The following MGAM variants were observed in gnomAD, a reference collection of about 807,000 sequenced individuals.
The protein encoded by MGAM is alpha-1,4-glucosidase.
A neutral mutation model predicts 358.8 loss-of-function variants in MGAM; 253 were observed. That is an observed-to-expected ratio of 0.71 (90% CI 0.64 to 0.78). The LOEUF (loss-of-function observed/expected upper bound fraction) is 0.78. Ranked by LOEUF, MGAM falls within the 30% of genes least tolerant of loss-of-function variation. MGAM has a pLI of 0.00. For synonymous variants in MGAM, 1,105 were observed against 1,227.1 expected (o/e 0.90, Z 2.08); for missense variants, 3,080 against 3,432.6 (o/e 0.90, Z 2.57).
intron 3 of MGAM, 71 bp downstream of exon 3, chr7:142,008,776 T>G (rs2128985294): frequency 1.3e-6 from 2 of 1,520,824 alleles, no homozygotes; most frequent in East Asian, 4.6e-5. Context: ...TTTGTTGTTT[T>G]GTTTTGGTTT....
rs569211661 is a variant in MGAM at position 142,088,779 on chromosome 7, A to T, written c.6810+2062A>T. On this transcript the variant is annotated intron_variant, in intron 57 of 70. Coordinates refer to ENST00000475668, the MANE Select transcript of MGAM (RefSeq NM_001365693.1). ...TATCTATCTATCTATCTATCTATCTATCTATCTATCTATCTATCTATCATT... is the reference window on the plus strand; with the variant it reads ...TATCTATCTATCTATCTATCTATCTTTCTATCTATCTATCTATCTATCATT... Among the ~76,000 whole-genome samples, 40 of 128,726 alleles carry T rather than the reference A, an allele frequency of 3.1e-4. 3 individuals are homozygous for T. The highest frequency in any genetic ancestry group is 1.2e-3 in the East Asian group (5 of 4,048). The allele number at this position is 128,726 out of a possible 152,430, so 84.4% of individuals were successfully genotyped here.
rs766312735 is a variant in MGAM at position 142,063,451 on chromosome 7, A to T, written c.4258-48A>T. ...ACTTCCTTGGCTCAGAATTGGCAGG[A>T]CGTAATTATCTTAAAAAGTGAGGTA... On this transcript the variant is annotated intron_variant, in intron 35 of 70. Coordinates refer to ENST00000475668, the MANE Select transcript of MGAM (RefSeq NM_001365693.1). 3.8e-6 allele frequency: 6 copies of T among 1,585,298 alleles called. No homozygotes were observed. The Admixed American group carries it at 5.4e-5, about 14-fold the overall frequency.
chr7:141,996,392 G>T (rs1804237619), intron 1 of MGAM, among the ~76,000 whole-genome samples: 1 of 151,840 alleles, frequency 6.6e-6, no homozygotes, highest in Non-Finnish European at 1.5e-5. Context: ...CATACACATG[G>T]AACAAAATTC....
intron 35 of MGAM, among the ~76,000 whole-genome samples, 182 bp from the exon 36 acceptor site, chr7:142,063,317 C>T (rs1282088700): frequency 1.3e-5 from 2 of 152,060 alleles, no homozygotes; most frequent in Non-Finnish European, 2.9e-5. Flanking sequence ...TCTAGCCAGT[C>T]GTTCTGTAGG....
chr7:142,051,720 C>T (rs994508315), intron 24 of MGAM, among the ~76,000 whole-genome samples: 1 of 151,908 alleles, frequency 6.6e-6, no homozygotes, highest in Admixed American at 6.6e-5. Flanking sequence ...ACCTGACTTA[C>T]CCTGATGTGA....
At position 142,069,690 on chromosome 7, in the gene MGAM, A is replaced by G. The variant is rs552122726; in HGVS notation, c.5061+987A>G. Among the ~76,000 whole-genome samples, 543 of 145,382 alleles carry G rather than the reference A, an allele frequency of 3.7e-3. 22 individuals carry two copies. The highest frequency in any genetic ancestry group is 0.012 in the African/African-American group (513 of 41,070). The stretch of plus-strand genomic sequence containing the variant: ...GCCCCAGACTCCTCTTCCTGCTGCT[A>G]GTCTGGATCTGCCCTTAGGGTGGTA... On this transcript the variant is annotated intron_variant, in intron 43 of 70. Transcript: ENST00000475668.
chr7:142,103,348 G>C lies in MGAM; in HGVS notation c.8093G>C (p.Trp2698Ser), dbSNP rs373562174. The change falls in exon 70 of 71, where the codon TGG becomes TCG. Residue 2698 changes from tryptophan to serine, a missense_variant. Trp to Ser is a radical substitution (Grantham distance 177, BLOSUM62 -3). Around this residue, in one of 5 missense-constraint regions of MGAM, gnomAD observed 194 missense variants for 172.8 expected, o/e 1.12. Coordinates refer to ENST00000475668, the MANE Select transcript of MGAM (RefSeq NM_001365693.1). The part of the protein sequence containing the change: ...NPLKLGYIEI[W>S]GVGSVPVTSV... ...TTGAAACTGGGCTACATTGAAATCT[G>C]GGGAGTGGGCAGTGTCCCCGTTACC... The C allele has an allele frequency of 4.3e-6, 7 of 1,612,956 alleles. No homozygotes were observed. In the African/African-American group the frequency reaches 9.3e-5, roughly 22 times the overall value.
chr7:142,028,542 G>A (rs1372938984), intron 10 of MGAM, among the ~76,000 whole-genome samples: 4 of 152,092 alleles, frequency 2.6e-5, no homozygotes, highest in Admixed American at 2.6e-4. Context: ...TGACTACATG[G>A]ATGTGAAAAA....
chr7:142,004,988 A>G (rs1299342092), intron 1 of MGAM, among the ~76,000 whole-genome samples: 1 of 152,102 alleles, frequency 6.6e-6, no homozygotes, highest in Non-Finnish European at 1.5e-5. Context: ...CTATAAGGGT[A>G]GAGAAACATG....
intron 2 of MGAM, among the ~76,000 whole-genome samples, chr7:141,989,796 CA>C (rs538875462): frequency 1.3e-5 from 2 of 152,020 alleles, no homozygotes; most frequent in South Asian, 2.1e-4. Flanking sequence ...AAATACTCTC[CA>C]AAAAAAGATT....
intron 45 of MGAM, 64 bp from the exon 46 acceptor site, chr7:142,076,139 G>A: frequency 8.1e-7 from 1 of 1,231,568 alleles, no homozygotes; most frequent in Non-Finnish European, 1.2e-6. Flanking sequence ...AAGAGTGGGA[G>A]TGTGAAATCT....
intron 18 of MGAM, 96 bp downstream of exon 18, chr7:142,037,073 C>A (rs1321192080): frequency 2.4e-6 from 3 of 1,257,834 alleles, no homozygotes; most frequent in South Asian, 1.4e-5. Context: ...ACAATTCAGG[C>A]AGTTATTCAT....
At chr7:142,011,660 G>A (rs1187635008) in intron 3 of MGAM, among the ~76,000 whole-genome samples, 2 of 152,174 alleles carry the variant, frequency 1.3e-5, no homozygotes, top group East Asian at 3.8e-4. Context: ...AAATGAGACA[G>A]TATGTGTTCA....
Position 142,066,699 on chromosome 7 carries a change from G to T in MGAM, c.4897G>T (p.Val1633Phe). 1 of 1,555,808 alleles carries T rather than the reference G, an allele frequency of 6.4e-7. No homozygotes were observed. The highest frequency in any genetic ancestry group is 8.8e-7 in the Non-Finnish European group (1 of 1,132,506). ...MQKAHTEGVTVVRPLLHEFVS... is the reference protein window; with the variant it reads ...MQKAHTEGVTFVRPLLHEFVS... ...AAAGGCCCACACGGAGGGCGTCACT[G>T]TTGTGCGGCCTCTGCTCCATGAGTG... The change falls in exon 41 of 71, where the codon GTT becomes TTT. Residue 1633 changes from valine (V) to phenylalanine (F), a missense_variant. Val to Phe is a conservative substitution (Grantham distance 50). Coordinates refer to ENST00000475668, the MANE Select transcript of MGAM (RefSeq NM_001365693.1).
chr7:142,043,968 A>G lies in MGAM; in HGVS notation c.2498+3122A>G, dbSNP rs1809514304. Among the ~76,000 whole-genome samples the G allele has an allele frequency of 3.4e-5, 4 of 119,358 alleles. No individual in the cohort carries two copies. In the Admixed American group the frequency reaches 3.6e-4, roughly 11 times the overall value. 78.3% of individuals were successfully genotyped at this position (119,358 alleles called of 152,430 possible). On this transcript the variant is annotated intron_variant, in intron 21 of 70. Coordinates refer to ENST00000475668, the MANE Select transcript of MGAM (RefSeq NM_001365693.1). ...CGTTTAATATATACATTATATACAC[A>G]TACGACGTATAATATATACATTATA...
At chr7:142,025,219 A>G in intron 8 of MGAM, 70 bp downstream of exon 8, 1 of 1,175,034 alleles carries the variant, frequency 8.5e-7, no homozygotes, top group Non-Finnish European at 1.3e-6. Flanking sequence ...GCACTATGAT[A>G]AAAGGAATGG....
At chr7:141,999,681 A>G (rs1413503755) in intron 1 of MGAM, among the ~76,000 whole-genome samples, 1 of 152,212 alleles carries the variant, frequency 6.6e-6, no homozygotes, top group Non-Finnish European at 1.5e-5. Flanking sequence ...TATTTGTCCT[A>G]TAAAAAAATA....
chr7:142,077,860 T>C (rs1813869805), intron 47 of MGAM, among the ~76,000 whole-genome samples: 1 of 145,606 alleles, frequency 6.9e-6, no homozygotes, highest in Non-Finnish European at 1.6e-5. Context: ...GTCATATGAT[T>C]CTTATTGCTG....
chr7:142,030,929 G>A (rs782758680), intron 12 of MGAM, among the ~76,000 whole-genome samples, 172 bp downstream of exon 12: 31 of 151,912 alleles, frequency 2.0e-4, no homozygotes, highest in Non-Finnish European at 4.1e-4. Context: ...AGTGCAAGCC[G>A]GCCATCGTAG....
Sources: gnomAD v4.1 joint callset for allele counts (sites outside exome capture counted in the v4.1 genomes callset) on GRCh38, gnomAD v4.1.1 for gene constraint, gnomAD v4.1.1 regional missense constraint, MANE v1.5 for transcripts, NCBI Gene and HGNC (gene_info 2026-07-23, HGNC 2026-07-21) for gene names.